Variants in MYZAP observed in about 807,000 individuals in gnomAD.
The protein encoded by MYZAP is myocardial zonula adherens protein.
In MYZAP, 66 loss-of-function variants were observed where a neutral mutation model predicts 69.4. That is an observed-to-expected ratio of 0.95 (90% confidence interval 0.78 to 1.17). The LOEUF is 1.17. Ranked by LOEUF, MYZAP falls within the 50% of genes most tolerant of loss-of-function variation. The pLI is 0.00. For missense variants in MYZAP, 611 were observed against 556.2 expected, an observed-to-expected ratio of 1.10 and a Z score of -0.99; for synonymous variants, 256 against 205.9, an observed-to-expected ratio of 1.24 and a Z score of -2.09.
At chr15:57,664,345 A>T (rs2038465659) in intron 11 of MYZAP, among the ~76,000 whole-genome samples, 1 of 152,180 alleles carries the variant, frequency 6.6e-6, no homozygotes. Flanking sequence ...TGCATTCTTT[A>T]TCAATATTTC....
intron 11 of MYZAP, among the ~76,000 whole-genome samples, chr15:57,671,717 A>G (rs2038877086): frequency 6.6e-6 from 1 of 152,076 alleles, no homozygotes; most frequent in Non-Finnish European, 1.5e-5. Context: ...TTCCTGTTCT[A>G]AAATTTTCAT....
intron 2 of MYZAP, among the ~76,000 whole-genome samples, chr15:57,607,479 G>T (rs1294959856): frequency 6.6e-6 from 1 of 152,038 alleles, no homozygotes; most frequent in Non-Finnish European, 1.5e-5. Flanking sequence ...AAATCAGAAT[G>T]TTTTACTGAG....
At chr15:57,601,274 T>TTG (rs10679285) in intron 1 of MYZAP, among the ~76,000 whole-genome samples, 81,450 of 148,128 alleles carry the variant, frequency 0.55, 22,527 homozygotes, top group East Asian at 0.88. Context: ...GTGTGCACAC[T>TTG]TGTGTGTGTG....
At chr15:57,661,382 A>T (rs960046272) in intron 10 of MYZAP, 68 bp from the exon 11 acceptor site, 19 of 1,163,996 alleles carry the variant, frequency 1.6e-5, no homozygotes, top group South Asian at 6.9e-5. Flanking sequence ...CATCTATTCC[A>T]GTTGATAAAC....
At chr15:57,637,821 A>C (rs770857203) in intron 9 of MYZAP, 47 bp downstream of exon 9, 2 of 1,562,684 alleles carry the variant, frequency 1.3e-6, no homozygotes, top group East Asian at 4.6e-5. Context: ...GGTTGTGGAC[A>C]CGCTGTGTTT....
chr15:57,646,169 T>G (rs1277694256), intron 10 of MYZAP: 3 of 1,289,256 alleles, frequency 2.3e-6, no homozygotes, highest in Non-Finnish European at 1.0e-6. Context: ...CCAGATTTAG[T>G]CTCCGGCTCT....
intron 10 of MYZAP, among the ~76,000 whole-genome samples, chr15:57,645,709 A>G (rs540560465): frequency 3.7e-4 from 56 of 152,292 alleles, no homozygotes; most frequent in African/African-American, 1.3e-3. Context: ...AAAAGTAGCT[A>G]TTGTTGATTT....
intron 2 of MYZAP, among the ~76,000 whole-genome samples, chr15:57,609,215 T>C (rs1298733650): frequency 1.3e-5 from 2 of 152,228 alleles, no homozygotes; most frequent in Admixed American, 1.3e-4. Context: ...GCTTAATGAA[T>C]GCTTATTGAT....
At chr15:57,681,398 T>C (rs1340299495) in intron 12 of MYZAP, among the ~76,000 whole-genome samples, 1 of 152,248 alleles carries the variant, frequency 6.6e-6, no homozygotes, top group Admixed American at 6.5e-5. Flanking sequence ...TGTGAGCTGC[T>C]GGATTCATGG....
chr15:57,655,048 G>T (rs1303276355), intron 10 of MYZAP, among the ~76,000 whole-genome samples: 2 of 152,098 alleles, frequency 1.3e-5, no homozygotes, highest in African/African-American at 4.8e-5. Flanking sequence ...AGGGAAAAAA[G>T]TCAACTAAGG....
intron 10 of MYZAP, among the ~76,000 whole-genome samples, chr15:57,654,548 G>A (rs764743798): frequency 2.6e-5 from 4 of 152,112 alleles, no homozygotes; most frequent in African/African-American, 7.2e-5. Context: ...CATGTCAAGC[G>A]CTGTCTGGTA....
Position 57,633,594 on chromosome 15 carries a change from G to A in MYZAP, c.805-19G>A. On this transcript the variant is annotated intron_variant, in intron 7 of 12. Transcript: ENST00000267853. ...CGGTACTCCATGCCTGTACTTAGGAGGGTATATTTCTTTTGCAGGAAGAAA... is the reference window on the plus strand; with the variant it reads ...CGGTACTCCATGCCTGTACTTAGGAAGGTATATTTCTTTTGCAGGAAGAAA... 6.2e-7 allele frequency: 1 copy of A among 1,607,706 alleles called. No individual in the cohort carries two copies. The highest frequency in any genetic ancestry group is 8.5e-7 in the Non-Finnish European group (1 of 1,177,010).
intron 4 of MYZAP, among the ~76,000 whole-genome samples, chr15:57,622,824 A>T (rs1197801827): frequency 6.6e-6 from 1 of 152,232 alleles, no homozygotes. Flanking sequence ...ATGATATAAA[A>T]TCCCAAAACC....
chr15:57,656,691 CG>C, intron 10 of MYZAP, among the ~76,000 whole-genome samples: 1 of 152,234 alleles, frequency 6.6e-6, no homozygotes, highest in Middle Eastern at 3.4e-3. Context: ...CCCTTGGGGC[CG>C]GCAGTGCACT....
Position 57,661,540 on chromosome 15 carries a change from ATC to A in MYZAP, c.1203+11_1203+12del, listed in dbSNP as rs2038307800. The A allele has an allele frequency of 6.2e-7, 1 of 1,604,764 alleles. No homozygotes were observed. Among genetic ancestry groups the A allele is most frequent in the Non-Finnish European group, 8.5e-7 (1 of 1,176,504 alleles). ...ATCTTTCTTAGAAGGAGAGGTAAGGATCTCTGTTTCTTTAAGTTGGTGTCTTC... is the reference window on the plus strand; with the variant it reads ...ATCTTTCTTAGAAGGAGAGGTAAGGATCTGTTTCTTTAAGTTGGTGTCTTC... On this transcript the variant is annotated splice_region_variant and intron_variant, in intron 11 of 12. Coordinates refer to ENST00000267853, the MANE Select transcript of MYZAP (RefSeq NM_001018100.5).
intron 8 of MYZAP, among the ~76,000 whole-genome samples, chr15:57,636,711 T>C (rs2036838560): frequency 6.6e-6 from 1 of 152,244 alleles, no homozygotes. Flanking sequence ...TTTATGAACA[T>C]TTTTCAGCTT....
At chr15:57,608,103 A>G (rs2034871998) in intron 2 of MYZAP, among the ~76,000 whole-genome samples, 1 of 152,190 alleles carries the variant, frequency 6.6e-6, no homozygotes, top group Admixed American at 6.5e-5. Flanking sequence ...AAAGTTGTAA[A>G]TGGCCCGATT....
chr15:57,629,662 G>A (rs144837547), intron 5 of MYZAP, 40 bp from the exon 6 acceptor site: 33 of 1,596,032 alleles, frequency 2.1e-5, no homozygotes, highest in African/African-American at 1.2e-4. Context: ...GTGTTTTCAC[G>A]CCACCGGATC....
At chr15:57,643,731 T>C (rs2037289391) in intron 10 of MYZAP, among the ~76,000 whole-genome samples, 1 of 143,010 alleles carries the variant, frequency 7.0e-6, no homozygotes, top group Non-Finnish European at 1.5e-5. Flanking sequence ...TCTTAAGAGG[T>C]TTTTTTTTTG....
Sources: gnomAD v4.1 joint callset for allele counts (sites outside exome capture counted in the v4.1 genomes callset) on GRCh38, gnomAD v4.1.1 for gene constraint, MANE v1.5 for transcripts, NCBI Gene and HGNC (gene_info 2026-07-23, HGNC 2026-07-21) for gene names.